The following RAB38 variants were observed in gnomAD, a reference collection of about 807,000 sequenced individuals.
RAB38 encodes ras-related protein Rab-38.
A neutral mutation model predicts 18.4 loss-of-function variants in RAB38; 15 were observed. The observed-to-expected ratio is 0.82, with a 90% CI of 0.55 to 1.26. RAB38 has a LOEUF of 1.26. RAB38 is among the 50% of genes most tolerant of loss of function. The pLI, the probability that RAB38 is intolerant of heterozygous loss-of-function variation, is 0.00. For missense variants in RAB38, 294 were observed against 267.4 expected, an observed-to-expected ratio of 1.10 and a Z score of -0.69; for synonymous variants, 101 against 104.4, an observed-to-expected ratio of 0.97 and a Z score of 0.20.
the RAB38 span, among the ~76,000 whole-genome samples, chr11:88,022,898 G>A: frequency 4.6e-5 from 7 of 152,188 alleles, no homozygotes; most frequent in South Asian, 1.2e-3. Flanking sequence ...ATTTTGGGGG[G>A]AACAGAAAAA....
chr11:88,026,170 G>A, the RAB38 span, among the ~76,000 whole-genome samples: 13 of 151,854 alleles, frequency 8.6e-5, no homozygotes, highest in Admixed American at 4.6e-4. Flanking sequence ...TCACCATGTT[G>A]GTCAGACTGG....
chr11:87,831,466 G>A, the RAB38 span, among the ~76,000 whole-genome samples: 2 of 152,148 alleles, frequency 1.3e-5, no homozygotes, highest in African/African-American at 2.4e-5. Flanking sequence ...ATGTAGTGTC[G>A]CTAAGAAAGG....
chr11:87,934,884 G>T, the RAB38 span, among the ~76,000 whole-genome samples: 1 of 152,110 alleles, frequency 6.6e-6, no homozygotes, highest in Non-Finnish European at 1.5e-5. Flanking sequence ...AATGGGAAGA[G>T]ATGGGGCAGC....
At chr11:87,874,831 C>T in the RAB38 span, among the ~76,000 whole-genome samples, 1 of 151,370 alleles carries the variant, frequency 6.6e-6, no homozygotes, top group South Asian at 2.1e-4. Context: ...AGGGGGAACC[C>T]TTGCAGGTTG....
intron 2 of RAB38, among the ~76,000 whole-genome samples, chr11:88,122,470 C>T (rs2134781257): frequency 6.6e-6 from 1 of 152,304 alleles, no homozygotes; most frequent in African/African-American, 2.4e-5. Context: ...ACTACTTTCT[C>T]ATTAATCAGC....
At chr11:88,139,627 T>C (rs1025430769) in intron 2 of RAB38, among the ~76,000 whole-genome samples, 4 of 152,196 alleles carry the variant, frequency 2.6e-5, no homozygotes, top group Non-Finnish European at 5.9e-5. Flanking sequence ...ATAAATGAGT[T>C]AACAAATTCC....
chr11:87,950,718 C>T, the RAB38 span, among the ~76,000 whole-genome samples: 4 of 152,206 alleles, frequency 2.6e-5, no homozygotes, highest in African/African-American at 9.7e-5. Context: ...TTGGCCCCCA[C>T]TCTCTTCTGG....
At chr11:87,963,133 T>C in the RAB38 span, among the ~76,000 whole-genome samples, 1 of 152,132 alleles carries the variant, frequency 6.6e-6, no homozygotes, top group Non-Finnish European at 1.5e-5. Context: ...CATATTAGTG[T>C]TATAAAAACT....
chr11:88,040,786 C>A, the RAB38 span, among the ~76,000 whole-genome samples: 1 of 152,048 alleles, frequency 6.6e-6, no homozygotes, highest in African/African-American at 2.4e-5. Context: ...AGGTGCCAGG[C>A]ATTAGGGCTT....
At chr11:87,941,212 G>GATATATATATAT in the RAB38 span, among the ~76,000 whole-genome samples, 785 of 37,606 alleles carry the variant, frequency 0.021, 70 homozygotes, top group East Asian at 0.029. Flanking sequence ...ATAAATATAT[G>GATATATATATAT]AGATATATAT....
the RAB38 span, among the ~76,000 whole-genome samples, chr11:87,819,412 G>C: frequency 6.7e-6 from 1 of 148,852 alleles, no homozygotes; most frequent in Non-Finnish European, 1.5e-5. Context: ...ACAGGCCACT[G>C]AAAAACGAGA....
At chr11:87,941,480 A>G in the RAB38 span, among the ~76,000 whole-genome samples, 3 of 151,762 alleles carry the variant, frequency 2.0e-5, no homozygotes, top group Non-Finnish European at 4.4e-5. Flanking sequence ...GTAACATGAA[A>G]TAAGATGGTA....
the RAB38 span, among the ~76,000 whole-genome samples, chr11:87,813,386 A>G: frequency 6.6e-6 from 1 of 152,162 alleles, no homozygotes; most frequent in Non-Finnish European, 1.5e-5. Context: ...CTCTCCTTTC[A>G]GGAGGTAGAT....
At chr11:88,084,064 A>T in the RAB38 span, among the ~76,000 whole-genome samples, 1 of 151,970 alleles carries the variant, frequency 6.6e-6, no homozygotes, top group Non-Finnish European at 1.5e-5. Flanking sequence ...ATATTAAATG[A>T]ATAAATAAAT....
the RAB38 span, among the ~76,000 whole-genome samples, chr11:87,927,678 T>C: frequency 6.6e-6 from 1 of 152,038 alleles, no homozygotes; most frequent in South Asian, 2.1e-4. Context: ...TAAAATTGTC[T>C]TCAAATCCCT....
At chr11:88,143,633 T>C (rs968514370) in intron 2 of RAB38, among the ~76,000 whole-genome samples, 2 of 152,234 alleles carry the variant, frequency 1.3e-5, no homozygotes, top group African/African-American at 4.8e-5. Context: ...TTGAGCAGGT[T>C]AAGTTTTTAA....
chr11:88,106,913 C>G, the RAB38 span, among the ~76,000 whole-genome samples: 1 of 152,060 alleles, frequency 6.6e-6, no homozygotes, highest in African/African-American at 2.4e-5. Flanking sequence ...ATACAAAATG[C>G]TAGTTGGAAC....
chr11:87,866,023 A>G, the RAB38 span, among the ~76,000 whole-genome samples: 1 of 151,786 alleles, frequency 6.6e-6, no homozygotes, highest in East Asian at 1.9e-4. Flanking sequence ...TCAATTTTAT[A>G]GAAGAGAATT....
At chr11:88,051,654 C>T in the RAB38 span, among the ~76,000 whole-genome samples, 22 of 152,168 alleles carry the variant, frequency 1.4e-4, no homozygotes, top group African/African-American at 5.3e-4. Flanking sequence ...TCAACAGATG[C>T]CAAGACTGAG....
Sources: gnomAD v4.1 joint callset for allele counts (sites outside exome capture counted in the v4.1 genomes callset) on GRCh38, gnomAD v4.1.1 for gene constraint, MANE v1.5 for transcripts, NCBI Gene and HGNC (gene_info 2026-07-23, HGNC 2026-07-21) for gene names.